The following ABCB11 variants were observed in gnomAD, a reference collection of about 807,000 sequenced individuals.
The protein encoded by ABCB11 is ATP binding cassette subfamily B member 11.
Under a neutral mutation model 148.0 loss-of-function variants are expected in ABCB11, and 95 were observed. That is an observed-to-expected ratio of 0.64 (90% CI 0.54 to 0.76). The LOEUF (loss-of-function observed/expected upper bound fraction) is 0.76. Among genes scored for constraint, ABCB11 ranks in the 30% least tolerant of loss-of-function variants. The probability of loss-of-function intolerance (pLI) is 0.00; values close to 1 mark genes in which losing one functional copy is unlikely to be tolerated. For missense variants in ABCB11, 1,523 were observed against 1,617.8 expected, an observed-to-expected ratio of 0.94 and a Z score of 1.01; for synonymous variants, 591 against 555.4, an observed-to-expected ratio of 1.06 and a Z score of -0.90.
chr2:169,008,707 T>C (rs947184728), intron 5 of ABCB11, among the ~76,000 whole-genome samples: 2 of 152,160 alleles, frequency 1.3e-5, no homozygotes, highest in Admixed American at 6.6e-5. Context: ...ATGTAAATGG[T>C]GCAGCCACTG....
chr2:168,939,389 C>T (rs562755668), intron 21 of ABCB11, among the ~76,000 whole-genome samples: 51 of 152,142 alleles, frequency 3.4e-4, no homozygotes, highest in African/African-American at 1.2e-3. Flanking sequence ...CATTGAAAAA[C>T]TTTGTACATT....
chr2:169,009,615 A>T (rs1339540366), intron 5 of ABCB11, among the ~76,000 whole-genome samples: 2 of 151,262 alleles, frequency 1.3e-5, no homozygotes, highest in African/African-American at 4.8e-5. Flanking sequence ...CATCAGGAGA[A>T]ATACCTAATG....
chr2:168,949,953 G>A (rs1247464783), intron 19 of ABCB11, among the ~76,000 whole-genome samples: 1 of 151,444 alleles, frequency 6.6e-6, no homozygotes, highest in Non-Finnish European at 1.5e-5. Flanking sequence ...CTCTCCTGCT[G>A]TATTCTTCCT....
intron 19 of ABCB11, among the ~76,000 whole-genome samples, chr2:168,949,114 C>T (rs916588195): frequency 6.6e-6 from 1 of 151,648 alleles, no homozygotes; most frequent in African/African-American, 2.4e-5. Flanking sequence ...AGGTTTCCTT[C>T]CTTGTGGACC....
At chr2:168,940,973 A>G (rs1427459755) in intron 21 of ABCB11, among the ~76,000 whole-genome samples, 3 of 152,112 alleles carry the variant, frequency 2.0e-5, no homozygotes, top group African/African-American at 7.2e-5. Flanking sequence ...CCTACTGTTC[A>G]GGAAAAAATA....
intron 5 of ABCB11, among the ~76,000 whole-genome samples, 194 bp from the exon 6 acceptor site, chr2:168,996,916 T>C (rs1230100422): frequency 6.6e-6 from 1 of 150,938 alleles, no homozygotes; most frequent in Non-Finnish European, 1.5e-5. Flanking sequence ...TTATAATAAA[T>C]CCAACCAAAT....
chr2:168,976,558 G>T lies in ABCB11; in HGVS notation c.1308+19C>A. Reference sequence around the variant, plus strand: ...AAGAAGAAAACATTTACTATTCTGGGGAACAGACCAGCACTCACCTTCACC... The same window carrying T: ...AAGAAGAAAACATTTACTATTCTGGTGAACAGACCAGCACTCACCTTCACC... On this transcript the variant is annotated intron_variant, in intron 12 of 27. Transcript: ENST00000650372. The T allele has an allele frequency of 7.3e-7, 1 of 1,364,302 alleles. No homozygotes were observed. The highest frequency in any genetic ancestry group is 1.4e-5 in the South Asian group (1 of 73,216). The allele number at this position is 1,364,302 out of a possible 1,614,324, so 84.5% of individuals were successfully genotyped here.
At chr2:168,989,825 T>A (rs528817235) in intron 9 of ABCB11, among the ~76,000 whole-genome samples, 3 of 152,224 alleles carry the variant, frequency 2.0e-5, no homozygotes, top group Admixed American at 6.6e-5. Flanking sequence ...GGAAAGGATA[T>A]TGAATTTTGT....
At chr2:168,992,097 T>C (rs138901815) in intron 8 of ABCB11, among the ~76,000 whole-genome samples, 191 of 151,808 alleles carry the variant, frequency 1.3e-3, no homozygotes, top group Non-Finnish European at 1.7e-3. Flanking sequence ...AAAATTTACA[T>C]TTGAGCCTAG....
At chr2:168,977,095 TATA>T (rs1284030500) in intron 11 of ABCB11, among the ~76,000 whole-genome samples, 4 of 148,596 alleles carry the variant, frequency 2.7e-5, no homozygotes, top group African/African-American at 7.3e-5. Flanking sequence ...TGTGCCATTA[TATA>T]ATAATACATA....
rs141577974 is a variant in ABCB11, at chr2:168,950,292, T to C, written c.2344-5331A>G. On this transcript the variant is annotated intron_variant, in intron 19 of 27. Transcript: ENST00000650372. ...TCCCTCTAGAGAACGCTGTCCCTAA[T>C]ACAGCCCAGTAGTGGGATTACTGGA... Among the ~76,000 whole-genome samples the C allele has an allele frequency of 1.6e-3, 236 of 151,550 alleles. 3 individuals carry two copies. Among genetic ancestry groups the C allele is most frequent in the Middle Eastern group, 6.8e-3 (2 of 294 alleles).
At chr2:168,926,874 A>G (rs1691335638) in intron 26 of ABCB11, among the ~76,000 whole-genome samples, 1 of 152,184 alleles carries the variant, frequency 6.6e-6, no homozygotes, top group Admixed American at 6.5e-5. Context: ...CCTGTTTCTT[A>G]TCTACTTTAT....
At chr2:168,934,211 A>T (rs1320741764) in intron 23 of ABCB11, among the ~76,000 whole-genome samples, 1 of 152,172 alleles carries the variant, frequency 6.6e-6, no homozygotes, top group African/African-American at 2.4e-5. Context: ...AAATATGCAA[A>T]GATTTAGAAA....
At chr2:168,954,013 A>G (rs1195466966) in intron 19 of ABCB11, among the ~76,000 whole-genome samples, 4 of 151,582 alleles carry the variant, frequency 2.6e-5, no homozygotes, top group Non-Finnish European at 5.9e-5. Flanking sequence ...CTGTGCTCTG[A>G]CTGCCTTGGG....
chr2:169,017,311 G>A (rs4148773), intron 2 of ABCB11, among the ~76,000 whole-genome samples: 12,398 of 152,130 alleles, frequency 0.081, 566 homozygotes, highest in East Asian at 0.21. Flanking sequence ...TTTCCCCAGT[G>A]TAGGTCAGAA....
intron 18 of ABCB11, among the ~76,000 whole-genome samples, chr2:168,960,431 C>T (rs1411839479): frequency 2.6e-5 from 4 of 151,594 alleles, no homozygotes; most frequent in Non-Finnish European, 5.9e-5. Flanking sequence ...GGAACGATTG[C>T]CCCACAGGAT....
intron 23 of ABCB11, among the ~76,000 whole-genome samples, chr2:168,934,508 A>C (rs944515784): frequency 2.0e-5 from 3 of 152,202 alleles, no homozygotes; most frequent in Non-Finnish European, 4.4e-5. Context: ...TTAGAAAAGC[A>C]GGCTTTGGCT....
At chr2:168,965,168 A>G (rs1461079639) in intron 17 of ABCB11, among the ~76,000 whole-genome samples, 1 of 151,826 alleles carries the variant, frequency 6.6e-6, no homozygotes, top group Non-Finnish European at 1.5e-5. Context: ...TTTGTAGACT[A>G]TAGAAAAGAG....
At chr2:168,938,091 A>G (rs2105901745) in intron 21 of ABCB11, among the ~76,000 whole-genome samples, 1 of 152,368 alleles carries the variant, frequency 6.6e-6, no homozygotes, top group South Asian at 2.1e-4. Flanking sequence ...ATTCGATGCT[A>G]AGGCACTGTT....
Sources: gnomAD v4.1 joint callset for allele counts (sites outside exome capture counted in the v4.1 genomes callset) on GRCh38, gnomAD v4.1.1 for gene constraint, MANE v1.5 for transcripts, NCBI Gene and HGNC (gene_info 2026-07-23, HGNC 2026-07-21) for gene names.